FUT9: variants seen among roughly 807,000 people sequenced by gnomAD.
FUT9 encodes 4-galactosyl-N-acetylglucosaminide 3-alpha-L-fucosyltransferase 9.
In FUT9, 15 loss-of-function variants were observed where a neutral mutation model predicts 29.7. The ratio of observed to expected loss-of-function variants is 0.51; its 90% confidence interval spans 0.34 to 0.78. The LOEUF (loss-of-function observed/expected upper bound fraction) is 0.78. FUT9 is among the 30% of genes least tolerant of loss of function. The pLI, the probability that FUT9 is intolerant of heterozygous loss-of-function variation, is 0.01. For synonymous variants in FUT9, 169 were observed against 153.7 expected (o/e 1.10, Z -0.74); for missense variants, 319 against 425.4 (o/e 0.75, Z 2.20).
At chr6:96,087,514 G>A (rs562710109) in intron 1 of FUT9, among the ~76,000 whole-genome samples, 31 of 151,852 alleles carry the variant, frequency 2.0e-4, no homozygotes, top group Middle Eastern at 3.4e-3. Context: ...CTACAGGCGC[G>A]TGCCACAATG....
At chr6:96,056,284 T>C (rs939150277) in intron 1 of FUT9, among the ~76,000 whole-genome samples, 1 of 152,202 alleles carries the variant, frequency 6.6e-6, no homozygotes, top group Non-Finnish European at 1.5e-5. Flanking sequence ...TTGAGTGGGG[T>C]AGAAAAAGAC....
At chr6:96,169,328 A>T (rs1023370859) in intron 2 of FUT9, among the ~76,000 whole-genome samples, 3 of 152,220 alleles carry the variant, frequency 2.0e-5, no homozygotes, top group African/African-American at 7.2e-5. Context: ...AAATAATGTC[A>T]TTATCATGGA....
rs1460566776 is a variant in FUT9, at chr6:96,131,905, G to A, written c.-9+17778G>A. On this transcript the variant is annotated intron_variant, in intron 2 of 2. Transcript: ENST00000302103. ...TTACTAAATTGCCTAAAACATGTCA[G>A]TAAATTACAAGAGTTATTTTTCCTA... 2.0e-5 allele frequency among the ~76,000 whole-genome samples: 3 copies of A among 152,078 alleles called. No homozygotes were observed. In the East Asian group the frequency reaches 5.8e-4, roughly 29 times the overall value.
At chr6:96,041,497 C>T (rs567387828) in intron 1 of FUT9, among the ~76,000 whole-genome samples, 2 of 152,204 alleles carry the variant, frequency 1.3e-5, no homozygotes, top group African/African-American at 2.4e-5. Context: ...CTTCCAACAT[C>T]CCATTTCTAT....
chr6:96,141,563 G>C (rs998038698), intron 2 of FUT9, among the ~76,000 whole-genome samples: 2 of 152,170 alleles, frequency 1.3e-5, no homozygotes, highest in Admixed American at 6.5e-5. Flanking sequence ...AAGAGAGGAA[G>C]GTGGAGCAGC....
chr6:96,200,885 A>G (rs1773715539), intron 2 of FUT9, among the ~76,000 whole-genome samples: 1 of 152,100 alleles, frequency 6.6e-6, no homozygotes, highest in South Asian at 2.1e-4. Flanking sequence ...AACTTCCATA[A>G]ACGTACTCTT....
At chr6:96,061,899 A>G (rs1392455193) in intron 1 of FUT9, among the ~76,000 whole-genome samples, 3 of 152,204 alleles carry the variant, frequency 2.0e-5, no homozygotes, top group Non-Finnish European at 4.4e-5. Context: ...GAAAAACTGA[A>G]CCAATGCCAC....
chr6:96,118,191 T>C (rs570487014), intron 2 of FUT9, among the ~76,000 whole-genome samples: 1 of 105,428 alleles, frequency 9.5e-6, no homozygotes, highest in Non-Finnish European at 1.9e-5. Context: ...GGCAAGAGAG[T>C]AAGAGTCTGT....
intron 2 of FUT9, among the ~76,000 whole-genome samples, chr6:96,165,153 T>C (rs4840231): frequency 0.91 from 139,090 of 152,208 alleles, 64,848 homozygotes; most frequent in Non-Finnish European, 1. Flanking sequence ...ACTCACAGGC[T>C]GGGAGTGGTG....
chr6:96,207,054 G>A lies in FUT9; in HGVS notation c.*2819G>A, dbSNP rs558057914. The A allele has an allele frequency of 6.0e-6, 1 of 167,090 alleles. No individual in the cohort carries two copies. Among genetic ancestry groups the A allele is most frequent in the South Asian group, 2.1e-4 (1 of 4,824 alleles). 10.4% of individuals were successfully genotyped at this position (167,090 alleles called of 1,614,324 possible). The stretch of plus-strand genomic sequence containing the variant: ...TAAATTTGAAGTGGAAGAATTAAAT[G>A]ACTCAATGGAACCCTTTAGCTGTGG... On this transcript the variant is annotated 3_prime_UTR_variant, in exon 3 of 3. Transcript: ENST00000302103.
chr6:96,191,689 C>A (rs557032741), intron 2 of FUT9, among the ~76,000 whole-genome samples: 87 of 152,244 alleles, frequency 5.7e-4, no homozygotes, highest in African/African-American at 2.0e-3. Flanking sequence ...TGCAACTATT[C>A]CAATCAATAG....
chr6:96,145,780 C>T (rs1406167557), intron 2 of FUT9, among the ~76,000 whole-genome samples: 1 of 152,132 alleles, frequency 6.6e-6, no homozygotes, highest in South Asian at 2.1e-4. Flanking sequence ...TACATCTAGG[C>T]AGGGGCTGGG....
chr6:96,135,351 T>C (rs1027764095), intron 2 of FUT9, among the ~76,000 whole-genome samples: 3 of 151,906 alleles, frequency 2.0e-5, no homozygotes, highest in African/African-American at 4.8e-5. Flanking sequence ...TTGAACAATA[T>C]TGTAGCCTCA....
At chr6:96,180,534 A>G (rs995186722) in intron 2 of FUT9, among the ~76,000 whole-genome samples, 1 of 149,764 alleles carries the variant, frequency 6.7e-6, no homozygotes. Flanking sequence ...TTAACATATA[A>G]TAATGTACAT....
At chr6:96,036,426 A>C (rs1254716388) in intron 1 of FUT9, among the ~76,000 whole-genome samples, 1 of 151,804 alleles carries the variant, frequency 6.6e-6, no homozygotes, top group African/African-American at 2.4e-5. Flanking sequence ...GGTTTGCATA[A>C]TCGTGATGGT....
chr6:96,041,667 C>T (rs1019187605), intron 1 of FUT9, among the ~76,000 whole-genome samples: 2 of 152,134 alleles, frequency 1.3e-5, no homozygotes, highest in African/African-American at 4.8e-5. Flanking sequence ...AAGCATATGT[C>T]TAAGGGCATT....
At chr6:96,158,235 A>G (rs551511930) in intron 2 of FUT9, among the ~76,000 whole-genome samples, 11 of 152,132 alleles carry the variant, frequency 7.2e-5, no homozygotes, top group Admixed American at 7.2e-4. Context: ...TTTTAAAACA[A>G]GGTGATGGTT....
chr6:96,122,106 T>C (rs1293872122), intron 2 of FUT9, among the ~76,000 whole-genome samples: 2 of 152,138 alleles, frequency 1.3e-5, no homozygotes, highest in Non-Finnish European at 2.9e-5. Context: ...ATAACAGCTC[T>C]CCATCTAAAA....
intron 1 of FUT9, among the ~76,000 whole-genome samples, chr6:96,065,165 C>T (rs939332836): frequency 6.6e-6 from 1 of 152,092 alleles, no homozygotes; most frequent in Non-Finnish European, 1.5e-5. Flanking sequence ...TCTAGGTAGA[C>T]TTGGCCAAAT....
Sources: allele counts gnomAD v4.1 joint callset (sites outside exome capture counted in the v4.1 genomes callset), GRCh38; gene constraint gnomAD v4.1.1; transcripts MANE v1.5; gene names NCBI Gene and HGNC (gene_info 2026-07-23, HGNC 2026-07-21).